The following THSD4 variants were observed in gnomAD, a reference collection of about 807,000 sequenced individuals.
THSD4 encodes thrombospondin type-1 domain-containing protein 4.
In THSD4, 69 loss-of-function variants were observed where a neutral mutation model predicts 119.0. The observed-to-expected ratio is 0.58, with a 90% CI of 0.48 to 0.71. The LOEUF is 0.71. Among genes scored for constraint, THSD4 ranks in the 30% least tolerant of loss-of-function variants. The probability of loss-of-function intolerance (pLI) is 0.00; values close to 1 mark genes in which losing one functional copy is unlikely to be tolerated. For synonymous variants in THSD4, 524 were observed against 540.4 expected (o/e 0.97, Z 0.42); for missense variants, 1,393 against 1,391.1 (o/e 1.00, Z -0.02).
chr15:71,373,724 G>A (rs1434260233), intron 6 of THSD4, among the ~76,000 whole-genome samples: 1 of 152,130 alleles, frequency 6.6e-6, no homozygotes, highest in African/African-American at 2.4e-5. Context: ...CCAGGCAGAT[G>A]TTGTCAAAGT....
intron 6 of THSD4, among the ~76,000 whole-genome samples, chr15:71,298,355 T>A (rs969613313): frequency 4.6e-5 from 7 of 152,180 alleles, no homozygotes; most frequent in Non-Finnish European, 1.0e-4. Flanking sequence ...TAGCACATTT[T>A]ATATCAGGAA....
chr15:71,703,023 C>T (rs1410489574), intron 8 of THSD4, among the ~76,000 whole-genome samples: 2 of 151,670 alleles, frequency 1.3e-5, no homozygotes, highest in African/African-American at 2.4e-5. Context: ...CTCTGTTGCT[C>T]AGGCTGTAGT....
At chr15:71,220,772 C>A (rs897131091) in intron 4 of THSD4, among the ~76,000 whole-genome samples, 3 of 152,144 alleles carry the variant, frequency 2.0e-5, no homozygotes, top group Admixed American at 1.3e-4. Context: ...ACTGAGCTCC[C>A]GTCCAGATGG....
intron 8 of THSD4, among the ~76,000 whole-genome samples, chr15:71,686,758 T>C (rs2141041695): frequency 6.6e-6 from 1 of 152,280 alleles, no homozygotes; most frequent in East Asian, 1.9e-4. Context: ...TACAGCCAGA[T>C]AGGAAATATT....
chr15:71,147,379 A>C (rs926431673), intron 2 of THSD4, among the ~76,000 whole-genome samples: 13 of 151,964 alleles, frequency 8.6e-5, no homozygotes, highest in African/African-American at 3.1e-4. Context: ...TCACTTTAAA[A>C]AAAATTTTTT....
At chr15:71,750,223 G>C (rs1272050404) in intron 14 of THSD4, among the ~76,000 whole-genome samples, 2 of 152,148 alleles carry the variant, frequency 1.3e-5, no homozygotes, top group Non-Finnish European at 2.9e-5. Flanking sequence ...TAGTATCTCA[G>C]ACTCAAAGAA....
At chr15:71,669,643 A>G (rs1347880318) in intron 8 of THSD4, among the ~76,000 whole-genome samples, 1 of 152,170 alleles carries the variant, frequency 6.6e-6, no homozygotes, top group Non-Finnish European at 1.5e-5. Flanking sequence ...ATCAATCCTT[A>G]GTTGTCAGTT....
At chr15:71,320,442 C>A (rs1405659643) in intron 6 of THSD4, among the ~76,000 whole-genome samples, 1 of 152,174 alleles carries the variant, frequency 6.6e-6, no homozygotes, top group Non-Finnish European at 1.5e-5. Context: ...TAGCTTCTGG[C>A]AAGCTGAACT....
At chr15:71,713,022 T>A (rs2141095664) in intron 8 of THSD4, among the ~76,000 whole-genome samples, 1 of 152,350 alleles carries the variant, frequency 6.6e-6, no homozygotes, top group East Asian at 1.9e-4. Context: ...TGAATCAACA[T>A]ACTGCTATGA....
intron 4 of THSD4, among the ~76,000 whole-genome samples, chr15:71,227,698 G>T (rs2044029741): frequency 6.6e-6 from 1 of 152,216 alleles, no homozygotes; most frequent in Non-Finnish European, 1.5e-5. Flanking sequence ...GACGGAATGG[G>T]ATTTGAGTGC....
chr15:71,609,185 A>T (rs2140907470), intron 7 of THSD4, among the ~76,000 whole-genome samples: 1 of 152,316 alleles, frequency 6.6e-6, no homozygotes, highest in East Asian at 1.9e-4. Flanking sequence ...AGACAGGGGA[A>T]AAAAAGAATA....
At chr15:71,490,739 A>G (rs1375325499) in intron 7 of THSD4, among the ~76,000 whole-genome samples, 1 of 152,170 alleles carries the variant, frequency 6.6e-6, no homozygotes, top group Non-Finnish European at 1.5e-5. Context: ...AAAAAAATAA[A>G]TTAATTAATT....
At chr15:71,643,838 A>G (rs1291064738) in intron 7 of THSD4, among the ~76,000 whole-genome samples, 1 of 152,208 alleles carries the variant, frequency 6.6e-6, no homozygotes, top group African/African-American at 2.4e-5. Flanking sequence ...CTTAATTAAC[A>G]TAGGCAGGAA....
intron 6 of THSD4, among the ~76,000 whole-genome samples, chr15:71,301,442 TA>T (rs1467620821): frequency 1.3e-5 from 2 of 152,212 alleles, no homozygotes; most frequent in African/African-American, 2.4e-5. Context: ...TATTGCTATT[TA>T]AAACAATGTG....
Position 71,173,957 on chromosome 15 carries a change from A to G in THSD4, c.99+19025A>G, listed in dbSNP as rs551619604. 1.8e-4 allele frequency among the ~76,000 whole-genome samples: 27 copies of G among 152,304 alleles called. No individual in the cohort carries two copies. The South Asian group carries it at 4.4e-3, about 25-fold the overall frequency. ...AACTCAAAATGGATGAAACATCTAA[A>G]TGTAAAACCTGGAACTATAAAACTC... On this transcript the variant is annotated intron_variant, in intron 3 of 17. Transcript: ENST00000261862.
intron 6 of THSD4, chr15:71,348,276 CTGT>C (rs966898216): frequency 6.6e-6 from 1 of 152,190 alleles, no homozygotes; most frequent in Non-Finnish European, 1.5e-5. Context: ...CCACTGAAAA[CTGT>C]TGTTAGAATG....
chr15:71,738,000 T>C lies in THSD4; in HGVS notation c.1899T>C (p.Cys633=). 6.2e-7 allele frequency: 1 copy of C among 1,613,238 alleles called. No individual in the cohort carries two copies. The highest frequency in any genetic ancestry group is 1.1e-5 in the South Asian group (1 of 90,946). The change falls in exon 11 of 18, where the codon TGT becomes TGC. Residue 633 remains cysteine, a synonymous_variant. Transcript: ENST00000261862. ...GGACAACAGAATGTTCCACGACCTGTGGGAAAGGTGAGCCTGTGTGGGGGA... is the reference window on the plus strand; with the variant it reads ...GGACAACAGAATGTTCCACGACCTGCGGGAAAGGTGAGCCTGTGTGGGGGA... The part of the protein sequence containing the change: ...QLGTTECSTT[C]GKGSQYPIFR...
intron 7 of THSD4, among the ~76,000 whole-genome samples, chr15:71,577,220 T>TC (rs1459210407): frequency 6.6e-6 from 1 of 152,244 alleles, no homozygotes; most frequent in Non-Finnish European, 1.5e-5. Context: ...GTTTTAAATC[T>TC]CTTGCAGTTT....
chr15:71,563,913 C>T (rs1414898618), intron 7 of THSD4, among the ~76,000 whole-genome samples: 1 of 152,042 alleles, frequency 6.6e-6, no homozygotes, highest in East Asian at 1.9e-4. Flanking sequence ...TTTGAGGTAG[C>T]CCTGACTTGT....
Sources: allele counts gnomAD v4.1 joint callset (sites outside exome capture counted in the v4.1 genomes callset), GRCh38; gene constraint gnomAD v4.1.1; transcripts MANE v1.5; gene names NCBI Gene and HGNC (gene_info 2026-07-23, HGNC 2026-07-21).